The following GUCY2F variants were observed in gnomAD, a reference collection of about 807,000 sequenced individuals.
GUCY2F encodes the protein retinal guanylyl cyclase 2.
A neutral mutation model predicts 73.1 loss-of-function variants in GUCY2F; 61 were observed. The ratio of observed to expected loss-of-function variants is 0.83; its 90% CI spans 0.68 to 1.03. GUCY2F has a LOEUF of 1.03. GUCY2F is among the 50% of genes least tolerant of loss of function. The pLI, the probability that GUCY2F is intolerant of heterozygous loss-of-function variation, is 0.00. For synonymous variants in GUCY2F, 331 were observed against 307.8 expected, an observed-to-expected ratio of 1.08 and a Z score of -0.79; for missense variants, 912 against 854.3, an observed-to-expected ratio of 1.07 and a Z score of -0.84.
chrX:109,384,064 A>G (rs1930380323), intron 16 of GUCY2F, among the ~76,000 whole-genome samples: 1 of 112,785 alleles, frequency 8.9e-6, no homozygotes, highest in African/African-American at 3.2e-5. Context: ...CAGAAAATTT[A>G]TTCTGACAAC....
intron 9 of GUCY2F, among the ~76,000 whole-genome samples, chrX:109,408,175 G>A (rs1205960243): frequency 1.8e-5 from 2 of 112,563 alleles, no homozygotes; most frequent in Non-Finnish European, 3.8e-5. Flanking sequence ...AGCGTGACCT[G>A]GATGTGAGAC....
chrX:109,410,350 G>C (rs1250978772), intron 8 of GUCY2F, among the ~76,000 whole-genome samples: 1 of 112,146 alleles, frequency 8.9e-6, no homozygotes, highest in Non-Finnish European at 1.9e-5. Context: ...AAAGAGAGAT[G>C]ATACCGTAAA....
intron 5 of GUCY2F, among the ~76,000 whole-genome samples, chrX:109,450,295 G>A (rs1398483856): frequency 9.0e-6 from 1 of 111,409 alleles, no homozygotes; most frequent in Non-Finnish European, 1.9e-5. Context: ...CCTCCCCACT[G>A]TTTTTTTCTT....
At chrX:109,430,171 A>C (rs144599399) in intron 8 of GUCY2F, 136 bp downstream of exon 8, 9,717 of 487,940 alleles carry the variant, frequency 0.02, 86 homozygotes, top group Middle Eastern at 0.024. Context: ...TGATATGATC[A>C]TACCAACCCA....
chrX:109,415,649 T>C (rs1931221900), intron 8 of GUCY2F, among the ~76,000 whole-genome samples: 1 of 112,100 alleles, frequency 8.9e-6, no homozygotes, highest in African/African-American at 3.2e-5. Context: ...TGGAAGGATA[T>C]GCCTGAGAAA....
chrX:109,434,808 G>T (rs1362136689), intron 7 of GUCY2F, among the ~76,000 whole-genome samples: 5 of 111,250 alleles, frequency 4.5e-5, no homozygotes, highest in Admixed American at 1.9e-4. Flanking sequence ...TTTGTATAAG[G>T]TGTAAGGAAG....
intron 8 of GUCY2F, among the ~76,000 whole-genome samples, chrX:109,409,735 G>A (rs770806752): frequency 2.7e-5 from 3 of 111,105 alleles, no homozygotes; most frequent in Non-Finnish European, 5.7e-5. Flanking sequence ...GAGATCTGAT[G>A]GTTTTATAAA....
rs1226375139 is a variant in GUCY2F at position 109,475,986 on chromosome X, T to C, written c.-50A>G. 4.5e-6 allele frequency: 5 copies of C among 1,101,725 alleles called. No homozygotes were observed. The highest frequency in any genetic ancestry group is 6.1e-6 in the Non-Finnish European group (5 of 825,883). 90.8% of individuals were successfully genotyped at this position (1,101,725 alleles called of 1,213,427 possible). A position where few individuals can be genotyped will look rare whatever the true frequency, so the allele number is the denominator to read the frequency against. On this transcript the variant is annotated 5_prime_UTR_variant, in exon 2 of 20. Coordinates refer to ENST00000218006, the MANE Select transcript of GUCY2F (RefSeq NM_001522.3). ...ATGACGAGATACTGGAGAGTTATTC[T>C]GCTTTCCCGACACAGACGGTGGTGT...
intron 17 of GUCY2F, among the ~76,000 whole-genome samples, chrX:109,376,689 G>A (rs1300934097): frequency 8.9e-6 from 1 of 111,820 alleles, no homozygotes; most frequent in African/African-American, 3.3e-5. Context: ...GGTAGGGTAA[G>A]ACTCCAGGTT....
At chrX:109,456,061 A>G (rs775991725) in intron 3 of GUCY2F, among the ~76,000 whole-genome samples, 132 of 112,238 alleles carry the variant, frequency 1.2e-3, no homozygotes, top group Admixed American at 1.2e-3. Context: ...TTTTATTCCA[A>G]TGATCTTCCT....
chrX:109,430,138 G>A (rs1261775707), intron 8 of GUCY2F, among the ~76,000 whole-genome samples, 169 bp downstream of exon 8: 1 of 112,166 alleles, frequency 8.9e-6, no homozygotes, highest in Non-Finnish European at 1.9e-5. Context: ...TTTGACTCCA[G>A]AGCACATACC....
At chrX:109,421,352 C>T (rs1931366726) in intron 8 of GUCY2F, among the ~76,000 whole-genome samples, 1 of 111,336 alleles carries the variant, frequency 9.0e-6, no homozygotes, top group Admixed American at 9.5e-5. Context: ...GGATGTAACC[C>T]AAACATTTAA....
chrX:109,436,922 A>G (rs1931761605), intron 7 of GUCY2F, among the ~76,000 whole-genome samples: 1 of 109,331 alleles, frequency 9.1e-6, no homozygotes. Context: ...GTACCCTAAA[A>G]CTTAAAGTAT....
intron 6 of GUCY2F, 58 bp from the exon 7 acceptor site, chrX:109,441,540 G>A: frequency 1.1e-6 from 1 of 877,914 alleles, no homozygotes. Flanking sequence ...TTGGCACAGA[G>A]CTTATCTGAA....
intron 7 of GUCY2F, among the ~76,000 whole-genome samples, chrX:109,435,940 G>C (rs1318324053): frequency 9.0e-6 from 1 of 111,021 alleles, no homozygotes; most frequent in African/African-American, 3.3e-5. Flanking sequence ...TTATTGATTT[G>C]CGTATATTGA....
chrX:109,392,390 C>T, intron 13 of GUCY2F, among the ~76,000 whole-genome samples: 1 of 111,684 alleles, frequency 9.0e-6, no homozygotes. Context: ...CTAACTCAGA[C>T]CCCTGGGGAA....
intron 10 of GUCY2F, among the ~76,000 whole-genome samples, chrX:109,399,664 G>T (rs1250575843): frequency 9.0e-6 from 1 of 110,659 alleles, no homozygotes; most frequent in African/African-American, 3.3e-5. Flanking sequence ...TTAGATATTG[G>T]CAATTTCATC....
chrX:109,438,026 A>G (rs1931791599), intron 7 of GUCY2F, among the ~76,000 whole-genome samples: 1 of 112,739 alleles, frequency 8.9e-6, no homozygotes, highest in Admixed American at 9.3e-5. Context: ...AAGCCCTCAC[A>G]TAGACTGAAC....
rs1320630670 is a variant in GUCY2F at position 109,407,739 on chromosome X, C to T, written c.1968+1253G>A. ...GGCCAACATAAAGCTTGGGCTGTGG[C>T]TTCAGAGGGCGGAAGCCCCAAGCCT... On this transcript the variant is annotated intron_variant, in intron 9 of 19. Transcript: ENST00000218006. Among the ~76,000 whole-genome samples, 3 of 113,533 alleles carry T rather than the reference C, an allele frequency of 2.6e-5. No homozygotes were observed. The East Asian group carries it at 8.4e-4, about 32-fold the overall frequency.
Sources: allele counts gnomAD v4.1 joint callset (sites outside exome capture counted in the v4.1 genomes callset), GRCh38; gene constraint gnomAD v4.1.1; transcripts MANE v1.5; gene names NCBI Gene and HGNC (gene_info 2026-07-23, HGNC 2026-07-21).